The following MACROD2 variants were observed in gnomAD, a reference collection of about 807,000 sequenced individuals.
MACROD2 encodes the protein ADP-ribose glycohydrolase MACROD2.
MACROD2 carries 36 observed loss-of-function variants against 70.4 expected under a neutral mutation model. The ratio of observed to expected loss-of-function variants is 0.51; its 90% CI spans 0.39 to 0.68. MACROD2 has a LOEUF of 0.68. Among genes scored for constraint, MACROD2 ranks in the 30% least tolerant of loss-of-function variants. The probability of loss-of-function intolerance (pLI) is 0.00; values close to 1 mark genes in which losing one functional copy is unlikely to be tolerated. For missense variants in MACROD2, 496 were observed against 538.4 expected (o/e 0.92, Z 0.78); for synonymous variants, 172 against 178.8 (o/e 0.96, Z 0.30).
chr20:15,402,771 G>T (rs535195842), intron 6 of MACROD2, among the ~76,000 whole-genome samples: 23 of 152,254 alleles, frequency 1.5e-4, no homozygotes, highest in African/African-American at 5.3e-4. Context: ...TGCTTCCAAA[G>T]GGCATAATTT....
intron 6 of MACROD2, among the ~76,000 whole-genome samples, chr20:15,256,503 A>T (rs1338439875): frequency 6.6e-6 from 1 of 152,052 alleles, no homozygotes; most frequent in East Asian, 1.9e-4. Context: ...TTACATCTTC[A>T]ATCTAGTAGT....
At chr20:15,952,932 T>G (rs2065926034) in intron 12 of MACROD2, among the ~76,000 whole-genome samples, 2 of 152,176 alleles carry the variant, frequency 1.3e-5, no homozygotes, top group South Asian at 2.1e-4. Context: ...AAGAATAGTT[T>G]TGAGAAGAGA....
At chr20:15,649,947 T>G (rs578080947) in intron 8 of MACROD2, among the ~76,000 whole-genome samples, 54 of 152,332 alleles carry the variant, frequency 3.5e-4, no homozygotes, top group African/African-American at 1.3e-3. Context: ...ATAAATAGAC[T>G]TACTTCTTCC....
chr20:15,089,737 C>T (rs1266366728), intron 5 of MACROD2, among the ~76,000 whole-genome samples: 1 of 152,042 alleles, frequency 6.6e-6, no homozygotes, highest in Non-Finnish European at 1.5e-5. Flanking sequence ...TCACTAACTT[C>T]TTTTACTGCA....
intron 12 of MACROD2, among the ~76,000 whole-genome samples, chr20:15,940,259 C>CT (rs35217675): frequency 1.1e-4 from 16 of 144,222 alleles, no homozygotes; most frequent in African/African-American, 2.3e-4. Flanking sequence ...CCTGGCTCTT[C>CT]TTTTTTTTTT....
At chr20:14,779,540 G>T (rs576812018) in intron 5 of MACROD2, among the ~76,000 whole-genome samples, 2 of 151,928 alleles carry the variant, frequency 1.3e-5, no homozygotes, top group Admixed American at 6.6e-5. Context: ...TGACTCTACC[G>T]CTTTCTATTA....
intron 3 of MACROD2, among the ~76,000 whole-genome samples, chr20:14,457,283 T>C (rs1022172125): frequency 2.0e-5 from 3 of 152,116 alleles, no homozygotes; most frequent in African/African-American, 7.3e-5. Flanking sequence ...TGATGATCGC[T>C]TTATTAATGC....
At chr20:14,054,435 G>C (rs891223691) in intron 2 of MACROD2, among the ~76,000 whole-genome samples, 4 of 151,998 alleles carry the variant, frequency 2.6e-5, no homozygotes, top group African/African-American at 9.7e-5. Flanking sequence ...GATAAGCAGA[G>C]GTAGCTAGCA....
chr20:14,227,617 G>A (rs1316505000), intron 3 of MACROD2, among the ~76,000 whole-genome samples: 1 of 152,258 alleles, frequency 6.6e-6, no homozygotes, highest in South Asian at 2.1e-4. Context: ...CGGACACGCT[G>A]CCTTTAAGAA....
At chr20:14,167,244 CA>C (rs1314347330) in intron 3 of MACROD2, among the ~76,000 whole-genome samples, 2 of 152,014 alleles carry the variant, frequency 1.3e-5, no homozygotes, top group Non-Finnish European at 2.9e-5. Flanking sequence ...GACAGTGTGA[CA>C]TTTTCTATAT....
intron 6 of MACROD2, among the ~76,000 whole-genome samples, chr20:15,401,752 A>G (rs1170230359): frequency 1.3e-5 from 2 of 152,190 alleles, no homozygotes; most frequent in Admixed American, 6.5e-5. Flanking sequence ...GAGGCCGACT[A>G]TAGAAAACAA....
chr20:15,519,248 C>G (rs1193758491), intron 8 of MACROD2, among the ~76,000 whole-genome samples: 1 of 152,028 alleles, frequency 6.6e-6, no homozygotes, highest in East Asian at 1.9e-4. Context: ...GTAGCTGGGA[C>G]CACAGGTGCC....
intron 8 of MACROD2, among the ~76,000 whole-genome samples, chr20:15,699,747 C>A (rs1209391399): frequency 6.6e-6 from 1 of 152,190 alleles, no homozygotes; most frequent in African/African-American, 2.4e-5. Context: ...CGGATTTGTG[C>A]CCTCCCCTGA....
chr20:15,456,864 G>A (rs1568821846), intron 7 of MACROD2, among the ~76,000 whole-genome samples: 3 of 152,010 alleles, frequency 2.0e-5, no homozygotes, highest in Admixed American at 1.3e-4. Flanking sequence ...CCAGGGCTGC[G>A]ATCTTCTGAG....
intron 3 of MACROD2, among the ~76,000 whole-genome samples, chr20:14,205,495 G>C (rs1194930260): frequency 6.6e-6 from 1 of 152,174 alleles, no homozygotes; most frequent in East Asian, 1.9e-4. Flanking sequence ...TTTGTATAAG[G>C]TGCAAATTCC....
At chr20:15,986,682 A>G (rs34675181) in intron 13 of MACROD2, 45 bp from the exon 14 acceptor site, 682,897 of 1,452,660 alleles carry the variant, frequency 0.47, 165,077 homozygotes, top group Admixed American at 0.51. Context: ...AGCTACGGTC[A>G]TGCATATCAC....
intron 6 of MACROD2, among the ~76,000 whole-genome samples, chr20:15,428,206 TAAAGAAAA>T (rs1478124496): frequency 6.6e-6 from 1 of 152,106 alleles, no homozygotes; most frequent in Non-Finnish European, 1.5e-5. Context: ...TTCCATTTAC[TAAAGAAAA>T]AAGCAGTGCT....
chr20:15,220,136 T>C (rs1375089082), intron 5 of MACROD2, among the ~76,000 whole-genome samples: 1 of 152,188 alleles, frequency 6.6e-6, no homozygotes, highest in Non-Finnish European at 1.5e-5. Context: ...AGTCTTTCTA[T>C]GAAGAAACAG....
At chr20:15,826,543 T>A (rs563118232) in intron 8 of MACROD2, among the ~76,000 whole-genome samples, 2 of 152,378 alleles carry the variant, frequency 1.3e-5, no homozygotes, top group South Asian at 4.1e-4. Flanking sequence ...AGAAGTCTCA[T>A]CTACCTTGAA....
Sources: allele counts gnomAD v4.1 joint callset (sites outside exome capture counted in the v4.1 genomes callset), GRCh38; gene constraint gnomAD v4.1.1; transcripts MANE v1.5; gene names NCBI Gene and HGNC (gene_info 2026-07-23, HGNC 2026-07-21).